The following CPXM2 variants were observed in gnomAD, a reference collection of about 807,000 sequenced individuals.
The protein encoded by CPXM2 is inactive carboxypeptidase-like protein X2.
CPXM2 carries 66 observed loss-of-function variants against 86.1 expected under a neutral mutation model. That is an observed-to-expected ratio of 0.77 (90% CI 0.63 to 0.94). The LOEUF is 0.94. Ranked by LOEUF, CPXM2 falls within the 40% of genes least tolerant of loss-of-function variation. The pLI is 0.00. For synonymous variants in CPXM2, 388 were observed against 400.2 expected (o/e 0.97, Z 0.36); for missense variants, 948 against 1,026.3 (o/e 0.92, Z 1.04).
chr10:123,816,024 A>G (rs1847806867), intron 4 of CPXM2, among the ~76,000 whole-genome samples: 1 of 152,196 alleles, frequency 6.6e-6, no homozygotes. Context: ...ATGGATTAGA[A>G]GATGGCCCAC....
intron 4 of CPXM2, among the ~76,000 whole-genome samples, chr10:123,826,182 C>T (rs1848042141): frequency 6.6e-6 from 1 of 152,182 alleles, no homozygotes. Context: ...TGCTCTCAGT[C>T]ACACAGAAAG....
chr10:123,931,251 A>G (rs1945664046), intron 2 of CPXM2, among the ~76,000 whole-genome samples: 3 of 152,148 alleles, frequency 2.0e-5, no homozygotes, highest in African/African-American at 2.4e-5. Context: ...CCCAGTAAAA[A>G]AAACCCTGGA....
intron 2 of CPXM2, among the ~76,000 whole-genome samples, chr10:123,873,865 T>C (rs942648183): frequency 1.4e-5 from 2 of 147,568 alleles, no homozygotes; most frequent in African/African-American, 5.0e-5. Flanking sequence ...TCTTTTTTTT[T>C]TTTTTTTTTT....
intron 7 of CPXM2, among the ~76,000 whole-genome samples, chr10:123,772,406 C>CTGGTTATCACTGCCCTGGGTG (rs1564761446): frequency 4.8e-4 from 71 of 146,538 alleles, no homozygotes; most frequent in African/African-American, 1.8e-3. Flanking sequence ...CTGCCTTGTT[C>CTGGTTATCACTGCCCTGGGTG]TGGTTATCAC....
intron 4 of CPXM2, among the ~76,000 whole-genome samples, chr10:123,820,843 T>C (rs1327205626): frequency 1.3e-5 from 2 of 152,202 alleles, no homozygotes; most frequent in Non-Finnish European, 2.9e-5. Flanking sequence ...TTTTAACCCA[T>C]GTGATGAGAT....
At chr10:123,941,865 C>T (rs1184761857), upstream of CPXM2, among the ~76,000 whole-genome samples, 1 of 152,234 alleles carries the variant, frequency 6.6e-6, no homozygotes, top group Non-Finnish European at 1.5e-5. Context: ...GCGGATGAAG[C>T]AGTGGAAACA....
rs910506234 is a variant in CPXM2 at position 123,914,987 on chromosome 10, A to G, written n.174+24490T>C. On this transcript the variant is annotated intron_variant and non_coding_transcript_variant, in intron 2 of 19. Coordinates refer to the CPXM2 transcript ENST00000368854. ...ACCCTTTCATTGATTCTTCCCACCCAAAGAATAAAATGCAAAGTCCTTACC... is the reference window on the plus strand; with the variant it reads ...ACCCTTTCATTGATTCTTCCCACCCGAAGAATAAAATGCAAAGTCCTTACC... Among the ~76,000 whole-genome samples the G allele has an allele frequency of 3.1e-4, 47 of 152,306 alleles. 1 individual carries two copies. Among genetic ancestry groups the G allele is most frequent in the African/African-American group, 1.1e-3 (47 of 41,566 alleles).
chr10:123,875,355 G>T (rs1564808462), intron 2 of CPXM2, among the ~76,000 whole-genome samples: 1 of 152,138 alleles, frequency 6.6e-6, no homozygotes, highest in Non-Finnish European at 1.5e-5. Context: ...TGTCAAGAGG[G>T]GTGTGACTCT....
intron 2 of CPXM2, among the ~76,000 whole-genome samples, chr10:123,897,869 C>T (rs1227944188): frequency 6.6e-6 from 1 of 152,230 alleles, no homozygotes; most frequent in Non-Finnish European, 1.5e-5. Flanking sequence ...CATGCTCTGG[C>T]CCAGAATCAG....
chr10:123,832,245 G>T (rs920765721), intron 4 of CPXM2, among the ~76,000 whole-genome samples: 2 of 152,136 alleles, frequency 1.3e-5, no homozygotes, highest in African/African-American at 4.8e-5. Flanking sequence ...GCATCTGAAC[G>T]GTAAGTCAGC....
chr10:123,748,441 T>C (rs762705773), intron 13 of CPXM2, among the ~76,000 whole-genome samples: 4 of 152,174 alleles, frequency 2.6e-5, no homozygotes, highest in Non-Finnish European at 5.9e-5. Flanking sequence ...CGAAGCATCA[T>C]GTTGAAATCA....
intron 13 of CPXM2, chr10:123,751,605 T>C: frequency 2.0e-6 from 2 of 985,406 alleles, no homozygotes; most frequent in Non-Finnish European, 2.4e-6. Flanking sequence ...CGGGTGTCTG[T>C]CCAACATACT....
At chr10:123,880,145 T>TGGGGGCCC in intron 2 of CPXM2, 66 bp downstream of exon 2, 3 of 407,576 alleles carry the variant, frequency 7.4e-6, no homozygotes. Context: ...CAGGGGCCTG[T>TGGGGGCCC]ACCCACCCAC....
intron 11 of CPXM2, among the ~76,000 whole-genome samples, chr10:123,760,351 C>A (rs549223923): frequency 1.3e-5 from 2 of 152,206 alleles, no homozygotes; most frequent in African/African-American, 4.8e-5. Flanking sequence ...ATTAGGAATT[C>A]TTCTTGATAG....
At position 123,891,360 on chromosome 10, in the gene CPXM2, T is replaced by C. The variant is rs954152306; in HGVS notation, c.300A>G (p.Pro100=). ...KREKSAPEPP[P]PGKHSNKKVM... is the part of the protein sequence containing the mutation. ...CCAGCGCAGAAAGTTCCTTACCTGG[T>C]GGAGGCGGCTCCGGAGCCGACTTCT... The change falls in exon 1 of 14, where the codon CCA becomes CCG. Residue 100 remains proline (P), a synonymous_variant. Transcript: ENST00000241305. This position sits in a 1 kb window ranked among gnomAD's most constrained non-coding sequence, Gnocchi z 5.6. 1.3e-6 allele frequency: 2 copies of C among 1,543,964 alleles called. No individual in the cohort carries two copies.
chr10:123,767,980 G>A (rs991764412), intron 9 of CPXM2, among the ~76,000 whole-genome samples: 2 of 152,136 alleles, frequency 1.3e-5, no homozygotes, highest in Non-Finnish European at 2.9e-5. Context: ...TCATCTTCAC[G>A]TCCTCCAGTT....
chr10:123,882,091 T>C (rs923919605), intron 1 of CPXM2, among the ~76,000 whole-genome samples: 2 of 152,220 alleles, frequency 1.3e-5, no homozygotes, highest in Non-Finnish European at 2.9e-5. Flanking sequence ...AGTCACATGC[T>C]AAAAGGACAC....
chr10:123,767,224 A>G lies in CPXM2; in HGVS notation c.1300-72T>C, dbSNP rs536164788. ...GCGGACCCTCTACCATACAAGATGC[A>G]TCTGTCTCCACTTCCCCTTGGGGAA... On this transcript the variant is annotated intron_variant, in intron 9 of 13. Transcript: ENST00000241305. 3 of 1,378,618 alleles carry G rather than the reference A, an allele frequency of 2.2e-6. No individual in the cohort carries two copies. The East Asian group carries it at 6.9e-5, about 32-fold the overall frequency. 85.4% of individuals were successfully genotyped at this position (1,378,618 alleles called of 1,614,324 possible).
At chr10:123,772,246 C>T (rs909264117) in intron 7 of CPXM2, among the ~76,000 whole-genome samples, 9 of 151,690 alleles carry the variant, frequency 5.9e-5, no homozygotes, top group Non-Finnish European at 1.0e-4. Flanking sequence ...CTATAGCTAT[C>T]GCTACCCTGG....
Sources: allele counts gnomAD v4.1 joint callset (sites outside exome capture counted in the v4.1 genomes callset), GRCh38; gene constraint gnomAD v4.1.1; non-coding constraint Gnocchi (gnomAD v3.1); transcripts MANE v1.5; gene names NCBI Gene and HGNC (gene_info 2026-07-23, HGNC 2026-07-21).